The following DNAH6 variants were observed in gnomAD, a reference collection of about 807,000 sequenced individuals.
The protein encoded by DNAH6 is axonemal beta dynein heavy chain 6.
Under a neutral mutation model 491.4 loss-of-function variants are expected in DNAH6, and 340 were observed. The ratio of observed to expected loss-of-function variants is 0.69; its 90% confidence interval spans 0.63 to 0.76. The LOEUF is 0.76. Among genes scored for constraint, DNAH6 ranks in the 30% least tolerant of loss-of-function variants. The probability of loss-of-function intolerance (pLI) is 0.00; values close to 1 mark genes in which losing one functional copy is unlikely to be tolerated. For synonymous variants in DNAH6, 1,603 were observed against 1,686.1 expected, an observed-to-expected ratio of 0.95 and a Z score of 1.21; for missense variants, 4,443 against 4,972.2, an observed-to-expected ratio of 0.89 and a Z score of 3.20.
At chr2:84,674,490 G>A (rs1693041856) in intron 40 of DNAH6, among the ~76,000 whole-genome samples, 1 of 152,120 alleles carries the variant, frequency 6.6e-6, no homozygotes, top group African/African-American at 2.4e-5. Context: ...TGAAGAGAGG[G>A]TCAGGCTGTG....
chr2:84,763,766 G>A (rs1215041227), intron 64 of DNAH6, among the ~76,000 whole-genome samples: 1 of 128,130 alleles, frequency 7.8e-6, no homozygotes, highest in Non-Finnish European at 1.7e-5. Flanking sequence ...GTGTGTGTGT[G>A]TATGAAGTTG....
intron 68 of DNAH6, among the ~76,000 whole-genome samples, chr2:84,789,689 T>G (rs1677559995): frequency 1.3e-5 from 2 of 152,194 alleles, no homozygotes; most frequent in African/African-American, 4.8e-5. Flanking sequence ...TTTAAAAAGT[T>G]AGCCAAAACT....
At chr2:84,686,312 A>G (rs1327078207) in intron 43 of DNAH6, among the ~76,000 whole-genome samples, 172 bp from the exon 44 acceptor site, 2 of 152,130 alleles carry the variant, frequency 1.3e-5, no homozygotes, top group East Asian at 1.9e-4. Flanking sequence ...AACTTGGGAG[A>G]TTATCAGCTA....
intron 22 of DNAH6, among the ~76,000 whole-genome samples, chr2:84,612,363 A>G (rs1393092967): frequency 6.6e-6 from 1 of 152,048 alleles, no homozygotes; most frequent in African/African-American, 2.4e-5. Context: ...ATTTCTGTGG[A>G]TGTGGAATCA....
chr2:84,579,343 C>T (rs1484321375), intron 13 of DNAH6, among the ~76,000 whole-genome samples, 184 bp from the exon 14 acceptor site: 1 of 152,196 alleles, frequency 6.6e-6, no homozygotes, highest in Admixed American at 6.5e-5. Context: ...AAATGATCTT[C>T]AAAACCTGGC....
intron 18 of DNAH6, among the ~76,000 whole-genome samples, chr2:84,599,323 T>C (rs1451739037): frequency 6.7e-6 from 1 of 149,762 alleles, no homozygotes; most frequent in African/African-American, 2.4e-5. Flanking sequence ...CAAAAAGTTT[T>C]AATTTCAATA....
At chr2:84,672,056 C>G (rs928144442) in intron 39 of DNAH6, among the ~76,000 whole-genome samples, 2 of 152,204 alleles carry the variant, frequency 1.3e-5, no homozygotes, top group Admixed American at 1.3e-4. Flanking sequence ...AGGTTCACTC[C>G]TTGCTGGAGA....
At chr2:84,786,883 G>A (rs1218613602) in intron 67 of DNAH6, among the ~76,000 whole-genome samples, 1 of 152,116 alleles carries the variant, frequency 6.6e-6, no homozygotes, top group Non-Finnish European at 1.5e-5. Context: ...ATGAGAAAAT[G>A]CTTTATTTTA....
At chr2:84,576,746 A>G (rs1453460893) in intron 12 of DNAH6, among the ~76,000 whole-genome samples, 1 of 152,226 alleles carries the variant, frequency 6.6e-6, no homozygotes. Flanking sequence ...CAGCATATGC[A>G]AATTGACAAA....
At chr2:84,460,603 G>A in the DNAH6 span, among the ~76,000 whole-genome samples, 2 of 152,140 alleles carry the variant, frequency 1.3e-5, no homozygotes, top group Non-Finnish European at 2.9e-5. Context: ...TTTGTATCCT[G>A]GAGTATCCCC....
chr2:84,775,529 G>A (rs536191398), intron 64 of DNAH6, among the ~76,000 whole-genome samples: 2 of 152,248 alleles, frequency 1.3e-5, no homozygotes, highest in East Asian at 3.9e-4. Flanking sequence ...TTCACAGAAT[G>A]AGTTAGAGAG....
Position 84,579,630 on chromosome 2 carries a change from C to A in DNAH6, c.2180C>A (p.Thr727Asn). ...AAACTTGAGTTTGTTCCAACTACTA[C>A]CACAGAATATGTTCATAGCTTATTA... ...EYKLEFVPTTTTEYVHSLLFL... is the reference protein window; with the variant it reads ...EYKLEFVPTTNTEYVHSLLFL... Residue 727 changes from threonine to asparagine, a missense_variant, in exon 14 of 77, where the codon ACC (threonine) becomes AAC (asparagine). By Grantham distance (65) the Thr-to-Asn change is moderately conservative. Around this residue, in one of 3 missense-constraint regions of DNAH6, gnomAD observed 2,977 missense variants for 3,296.6 expected, o/e 0.90. Transcript: ENST00000389394. 6.2e-7 allele frequency: 1 copy of A among 1,610,986 alleles called. No homozygotes were observed.
chr2:84,785,873 G>A (rs1677126896), intron 67 of DNAH6, 117 bp downstream of exon 67: 2 of 1,088,898 alleles, frequency 1.8e-6, no homozygotes, highest in Non-Finnish European at 2.5e-6. Context: ...GCCCCATTCT[G>A]TGTCTGAACC....
chr2:84,620,835 A>G (rs1687326575), intron 24 of DNAH6, among the ~76,000 whole-genome samples: 1 of 152,192 alleles, frequency 6.6e-6, no homozygotes, highest in South Asian at 2.1e-4. Context: ...TAGATACAAG[A>G]ACTGAAGTGT....
At chr2:84,598,353 A>G (rs958148344) in intron 18 of DNAH6, among the ~76,000 whole-genome samples, 1 of 151,942 alleles carries the variant, frequency 6.6e-6, no homozygotes, top group East Asian at 1.9e-4. Flanking sequence ...ATTTTCTAGT[A>G]TTCTGTTATA....
chr2:84,510,776 T>C, the DNAH6 span, among the ~76,000 whole-genome samples: 1 of 152,196 alleles, frequency 6.6e-6, no homozygotes, highest in Non-Finnish European at 1.5e-5. Flanking sequence ...TTCTGCTTGT[T>C]AGTTTTCCTT....
rs1247140551 is a variant in DNAH6 at position 84,658,430 on chromosome 2, T to C, written c.5896T>C (p.Leu1966=). ...CAAAGTTACTACACTCTGTTGCTTATTGGAGTCCTTGATACTTGGGAAAGA... is the reference window on the plus strand; with the variant it reads ...CAAAGTTACTACACTCTGTTGCTTACTGGAGTCCTTGATACTTGGGAAAGA... ...ISKVTTLCCL[L]ESLILGKDGV... is the part of the protein sequence containing the mutation. Residue 1966 remains leucine, a synonymous_variant, in exon 36 of 77, where the codon TTG becomes CTG. Coordinates refer to ENST00000389394, the MANE Select transcript of DNAH6 (RefSeq NM_001370.2). 1 of 1,542,608 alleles carries C rather than the reference T, an allele frequency of 6.5e-7. No homozygotes were observed. Among genetic ancestry groups the C allele is most frequent in the Non-Finnish European group, 8.8e-7 (1 of 1,142,690 alleles).
At chr2:84,604,838 G>A (rs1028121573) in intron 19 of DNAH6, among the ~76,000 whole-genome samples, 3 of 151,930 alleles carry the variant, frequency 2.0e-5, no homozygotes, top group Non-Finnish European at 2.9e-5. Flanking sequence ...ACCCAAATAC[G>A]TTATCTTCCA....
Position 84,672,637 on chromosome 2 carries a change from C to G in DNAH6, c.6612+153C>G, listed in dbSNP as rs4831983. 0.77 allele frequency among the ~76,000 whole-genome samples: 116,438 copies of G among 152,100 alleles called. 46,745 individuals are homozygous for G. Among genetic ancestry groups the G allele is most frequent in the East Asian group, 0.93 (4,821 of 5,172 alleles). On this transcript the variant is annotated intron_variant, in intron 40 of 76. Coordinates refer to ENST00000389394, the MANE Select transcript of DNAH6 (RefSeq NM_001370.2). Reference sequence around the variant, plus strand: ...TCTCATAATTCTGAAGACTAGACGTCTAAGAACAAGGTGTCTGCAGGATTG... The same window carrying G: ...TCTCATAATTCTGAAGACTAGACGTGTAAGAACAAGGTGTCTGCAGGATTG...
Sources: allele counts gnomAD v4.1 joint callset (sites outside exome capture counted in the v4.1 genomes callset), GRCh38; gene constraint gnomAD v4.1.1; regional missense constraint gnomAD v4.1.1; transcripts MANE v1.5; gene names NCBI Gene and HGNC (gene_info 2026-07-23, HGNC 2026-07-21).